The following RTN1 variants were observed in gnomAD, a reference collection of about 807,000 sequenced individuals.
RTN1 encodes the protein reticulon 1.
In RTN1, 25 loss-of-function variants were observed where a neutral mutation model predicts 65.5. That is an observed-to-expected ratio of 0.38 (90% confidence interval 0.28 to 0.53). RTN1 has a LOEUF of 0.53. RTN1 is among the 20% of genes least tolerant of loss of function. The pLI, the probability that RTN1 is intolerant of heterozygous loss-of-function variation, is 0.79. For missense variants in RTN1, 983 were observed against 1,025.4 expected (o/e 0.96, Z 0.57); for synonymous variants, 471 against 447.6 (o/e 1.05, Z -0.66).
intron 1 of RTN1, among the ~76,000 whole-genome samples, chr14:59,805,927 A>T (rs1463149955): frequency 6.6e-6 from 1 of 152,132 alleles, no homozygotes; most frequent in Admixed American, 6.6e-5. Flanking sequence ...CTTATGAATG[A>T]TATGAATTGC....
intron 1 of RTN1, among the ~76,000 whole-genome samples, chr14:59,856,515 C>T (rs752338926): frequency 1.3e-5 from 2 of 152,158 alleles, no homozygotes; most frequent in Non-Finnish European, 2.9e-5. Flanking sequence ...CTGCTGTCCT[C>T]CCTCATTCCA....
chr14:59,843,013 G>T (rs1367562786), intron 1 of RTN1, among the ~76,000 whole-genome samples: 1 of 152,092 alleles, frequency 6.6e-6, no homozygotes, highest in Admixed American at 6.6e-5. Context: ...GTTTCCACAG[G>T]TTCACAAAAT....
intron 3 of RTN1, among the ~76,000 whole-genome samples, chr14:59,680,219 G>T (rs1049141918): frequency 1.3e-5 from 2 of 152,104 alleles, no homozygotes; most frequent in African/African-American, 4.8e-5. Context: ...TTTGAAAGAA[G>T]TCATAAACCT....
intron 3 of RTN1, among the ~76,000 whole-genome samples, chr14:59,608,366 C>T (rs536619934): frequency 6.6e-6 from 1 of 152,304 alleles, no homozygotes; most frequent in South Asian, 2.1e-4. Context: ...ACCTGGTTTA[C>T]AGAATTAGAC....
At chr14:59,824,295 T>C (rs1203017778) in intron 1 of RTN1, among the ~76,000 whole-genome samples, 1 of 152,222 alleles carries the variant, frequency 6.6e-6, no homozygotes, top group Non-Finnish European at 1.5e-5. Context: ...TTCTACCATG[T>C]TCTTCATTAT....
intron 1 of RTN1, among the ~76,000 whole-genome samples, chr14:59,866,712 C>T (rs1887804840): frequency 6.6e-6 from 1 of 152,084 alleles, no homozygotes; most frequent in South Asian, 2.1e-4. Flanking sequence ...AGTAATGGCA[C>T]AGTGTAATGT....
chr14:59,747,340 T>C (rs1270083171), intron 1 of RTN1, among the ~76,000 whole-genome samples: 1 of 152,260 alleles, frequency 6.6e-6, no homozygotes, highest in African/African-American at 2.4e-5. Context: ...CCAGGTGCAG[T>C]GGCTCACGCC....
chr14:59,834,596 T>C (rs1368355420), intron 1 of RTN1, among the ~76,000 whole-genome samples: 1 of 152,088 alleles, frequency 6.6e-6, no homozygotes, highest in Admixed American at 6.6e-5. Flanking sequence ...GCAAAGAAGA[T>C]ATATGGCATT....
intron 3 of RTN1, among the ~76,000 whole-genome samples, chr14:59,701,720 G>T (rs1196716551): frequency 6.6e-6 from 1 of 152,004 alleles, no homozygotes; most frequent in African/African-American, 2.4e-5. Flanking sequence ...GGGGCATGGG[G>T]TTTCTTTTTG....
chr14:59,733,598 A>T (rs1261719035), intron 2 of RTN1, among the ~76,000 whole-genome samples: 1 of 152,178 alleles, frequency 6.6e-6, no homozygotes, highest in Non-Finnish European at 1.5e-5. Flanking sequence ...TGACAGGAGC[A>T]GAGGTGGTTC....
chr14:59,674,250 C>T (rs776336601), intron 3 of RTN1, among the ~76,000 whole-genome samples: 4 of 152,138 alleles, frequency 2.6e-5, no homozygotes, highest in Non-Finnish European at 5.9e-5. Context: ...AGATAGCTAC[C>T]GATATGGGTG....
At chr14:59,690,590 G>A (rs1396206922) in intron 3 of RTN1, among the ~76,000 whole-genome samples, 1 of 151,860 alleles carries the variant, frequency 6.6e-6, no homozygotes, top group Admixed American at 6.6e-5. Context: ...GACCCACTAG[G>A]CCTAATAGAC....
intron 3 of RTN1, among the ~76,000 whole-genome samples, chr14:59,683,128 T>C (rs1883777884): frequency 6.6e-6 from 1 of 152,188 alleles, no homozygotes. Flanking sequence ...CAACCTCATG[T>C]TCTCTTTCTA....
chr14:59,779,972 C>T (rs1886123510), intron 1 of RTN1, among the ~76,000 whole-genome samples: 1 of 152,128 alleles, frequency 6.6e-6, no homozygotes, highest in Non-Finnish European at 1.5e-5. Context: ...TCGAGTTTCC[C>T]TTGCTACACT....
chr14:59,811,156 T>G (rs893446579), intron 1 of RTN1, among the ~76,000 whole-genome samples: 1 of 152,178 alleles, frequency 6.6e-6, no homozygotes, highest in South Asian at 2.1e-4. Context: ...GGTGAACTTT[T>G]AGTATATTGT....
intron 3 of RTN1, among the ~76,000 whole-genome samples, chr14:59,688,234 C>G (rs531658486): frequency 6.6e-6 from 1 of 152,092 alleles, no homozygotes; most frequent in Non-Finnish European, 1.5e-5. Context: ...GGGTCCTCTA[C>G]GGTCCATTCC....
intron 3 of RTN1, among the ~76,000 whole-genome samples, chr14:59,684,080 A>C (rs577078654): frequency 6.6e-6 from 1 of 152,214 alleles, no homozygotes; most frequent in East Asian, 1.9e-4. Context: ...ATAATCACAA[A>C]AAGAGAAAGA....
chr14:59,689,239 A>G (rs1177974370), intron 3 of RTN1, among the ~76,000 whole-genome samples: 2 of 152,198 alleles, frequency 1.3e-5, no homozygotes, highest in Admixed American at 1.3e-4. Context: ...AGTCTTTTTA[A>G]CTAACACAGT....
intron 1 of RTN1, among the ~76,000 whole-genome samples, chr14:59,807,586 A>G (rs1886660314): frequency 6.6e-6 from 1 of 152,234 alleles, no homozygotes; most frequent in African/African-American, 2.4e-5. Flanking sequence ...TGGCAGAGTT[A>G]ACATAAAAGA....
Sources: allele counts gnomAD v4.1 joint callset (sites outside exome capture counted in the v4.1 genomes callset), GRCh38; gene constraint gnomAD v4.1.1; transcripts MANE v1.5; gene names NCBI Gene and HGNC (gene_info 2026-07-23, HGNC 2026-07-21).